Variants in NPR3 observed in about 807,000 individuals in gnomAD.
NPR3 encodes natriuretic peptide receptor 3.
NPR3 carries 34 observed loss-of-function variants against 54.5 expected under a neutral mutation model. The observed-to-expected ratio is 0.62, with a 90% CI of 0.47 to 0.83. The LOEUF is 0.83. Among genes scored for constraint, NPR3 ranks in the 40% least tolerant of loss-of-function variants. The pLI, the probability that NPR3 is intolerant of heterozygous loss-of-function variation, is 0.00. For synonymous variants in NPR3, 289 were observed against 297.1 expected, an observed-to-expected ratio of 0.97 and a Z score of 0.28; for missense variants, 674 against 720.8, an observed-to-expected ratio of 0.94 and a Z score of 0.74.
chr5:32,701,716 A>C (rs1016209630), intron 1 of NPR3, among the ~76,000 whole-genome samples: 3 of 152,166 alleles, frequency 2.0e-5, no homozygotes, highest in African/African-American at 7.2e-5. Context: ...TGGTCACTGC[A>C]TCTGTATCTG....
intron 1 of NPR3, among the ~76,000 whole-genome samples, chr5:32,703,382 C>G (rs1208300618): frequency 6.6e-6 from 1 of 150,390 alleles, no homozygotes; most frequent in Non-Finnish European, 1.5e-5. Context: ...GAGACAAAGC[C>G]CCCTTTACTA....
rs1742824322 is a variant in NPR3 at position 32,789,914 on chromosome 5, A to G, written c.*3569A>G. Reference sequence around the variant, plus strand: ...CCACTGTGAGTGTTTATAAACTGGAAGGAACAAGTACCTGTGTTTCTTGGG... The same window carrying G: ...CCACTGTGAGTGTTTATAAACTGGAGGGAACAAGTACCTGTGTTTCTTGGG... On this transcript the variant is annotated 3_prime_UTR_variant, in exon 8 of 8. Transcript: ENST00000265074. 1.1e-5 allele frequency: 4 copies of G among 377,318 alleles called. No individual in the cohort carries two copies. Among genetic ancestry groups the G allele is most frequent in the Non-Finnish European group, 2.2e-5 (4 of 183,256 alleles). 23.4% of individuals were successfully genotyped at this position (377,318 alleles called of 1,614,324 possible).
intron 1 of NPR3, among the ~76,000 whole-genome samples, chr5:32,699,471 C>A (rs1396497136): frequency 1.3e-5 from 2 of 152,142 alleles, no homozygotes. Flanking sequence ...CATCCCCTAA[C>A]CCCCTGACTG....
intron 1 of NPR3, chr5:32,716,256 C>A: frequency 3.3e-6 from 1 of 306,946 alleles, no homozygotes; most frequent in Non-Finnish European, 6.4e-6. Flanking sequence ...GAAAACTACA[C>A]AAGGTTTATG....
At chr5:32,743,097 A>G (rs1406383634) in intron 3 of NPR3, among the ~76,000 whole-genome samples, 1 of 152,238 alleles carries the variant, frequency 6.6e-6, no homozygotes, top group Non-Finnish European at 1.5e-5. Flanking sequence ...TTAATGTTTC[A>G]TATTTATAAT....
At chr5:32,737,681 T>G (rs753995843) in intron 2 of NPR3, among the ~76,000 whole-genome samples, 1 of 152,200 alleles carries the variant, frequency 6.6e-6, no homozygotes, top group Non-Finnish European at 1.5e-5. Flanking sequence ...ACCTTGCCTT[T>G]TGGGGCCCTG....
At chr5:32,692,847 G>T (rs1185766455) in intron 1 of NPR3, among the ~76,000 whole-genome samples, 1 of 152,194 alleles carries the variant, frequency 6.6e-6, no homozygotes, top group Admixed American at 6.5e-5. Context: ...TGGATTGGGG[G>T]TGGTGGCTCA....
chr5:32,722,685 A>G (rs1475620432), intron 1 of NPR3, among the ~76,000 whole-genome samples: 2 of 152,164 alleles, frequency 1.3e-5, no homozygotes, highest in Admixed American at 1.3e-4. Flanking sequence ...CACATTCTTC[A>G]AACTTGTCCA....
intron 3 of NPR3, among the ~76,000 whole-genome samples, chr5:32,744,526 C>G (rs577516037): frequency 1.1e-4 from 17 of 152,270 alleles, no homozygotes; most frequent in Admixed American, 2.6e-4. Flanking sequence ...CACCACAATG[C>G]CAGGCATTCA....
chr5:32,713,276 T>C (rs1390864145), intron 1 of NPR3: 19 of 985,358 alleles, frequency 1.9e-5, no homozygotes, highest in Non-Finnish European at 2.3e-5. Flanking sequence ...AAACGAGCGC[T>C]GAACCTTCTT....
intron 1 of NPR3, among the ~76,000 whole-genome samples, chr5:32,698,623 T>G (rs1322793389): frequency 1.3e-4 from 20 of 152,210 alleles, no homozygotes; most frequent in Admixed American, 1.3e-3. Flanking sequence ...TCTCTTTAGC[T>G]CTAATAATCT....
chr5:32,726,832 G>A (rs193042434), intron 2 of NPR3, among the ~76,000 whole-genome samples: 3 of 152,208 alleles, frequency 2.0e-5, no homozygotes, highest in East Asian at 3.9e-4. Flanking sequence ...ATTTTTGGAA[G>A]TATGTACATC....
chr5:32,711,903 C>A lies in NPR3; in HGVS notation c.127C>A (p.Gln43Lys), dbSNP rs1370287527. 2.7e-6 allele frequency: 4 copies of A among 1,489,038 alleles called. No homozygotes were observed. Among genetic ancestry groups the A allele is most frequent in the Non-Finnish European group, 3.6e-6 (4 of 1,119,456 alleles). 92.2% of individuals were successfully genotyped at this position (1,489,038 alleles called of 1,614,324 possible). The change falls in exon 1 of 8, where the codon CAG becomes AAG. Residue 43 changes from glutamine (Q) to lysine (K), a missense_variant. Physicochemically the swap from Gln to Lys is moderately conservative, Grantham distance 53. Coordinates refer to ENST00000265074, the MANE Select transcript of NPR3 (RefSeq NM_001204375.2). Reference sequence around the variant, plus strand: ...TGGCGCGGGCATAGGCGGCGGACGCCAGGAGAGAGAGGCGCTGCCGCCACA... The same window carrying A: ...TGGCGCGGGCATAGGCGGCGGACGCAAGGAGAGAGAGGCGCTGCCGCCACA... ...GGGAGIGGGR[Q>K]EREALPPQKI...
At chr5:32,728,837 G>GTGTATATATATA (rs1328627035) in intron 2 of NPR3, among the ~76,000 whole-genome samples, 2 of 48,012 alleles carry the variant, frequency 4.2e-5, no homozygotes, top group South Asian at 2.5e-3. Context: ...GTGTGTGTGT[G>GTGTATATATATA]TATATATATA....
intron 3 of NPR3, among the ~76,000 whole-genome samples, chr5:32,770,287 G>A (rs1336717323): frequency 1.3e-5 from 2 of 151,900 alleles, no homozygotes; most frequent in East Asian, 1.9e-4. Context: ...AAAATTAACC[G>A]GGCATGGTGG....
chr5:32,739,155 C>G, intron 3 of NPR3, 125 bp downstream of exon 3: 1 of 865,474 alleles, frequency 1.2e-6, no homozygotes, highest in South Asian at 2.0e-5. Flanking sequence ...CTGAATGTCA[C>G]TGTTGCCTTC....
rs147519512 is a variant in NPR3, at chr5:32,737,633, C to T, written c.893-1231C>T. Among the ~76,000 whole-genome samples, 41 of 152,240 alleles carry T rather than the reference C, an allele frequency of 2.7e-4. 1 individual carries two copies. The East Asian group carries it at 6.9e-3, about 26-fold the overall frequency. ...CTCTCCAGGAATCATAACAATACTT[C>T]GTAGAAAAAATAGCTCATTGTCAAA... is the stretch of plus-strand genomic sequence containing the variant. On this transcript the variant is annotated intron_variant, in intron 2 of 7. Coordinates refer to ENST00000265074, the MANE Select transcript of NPR3 (RefSeq NM_001204375.2).
At chr5:32,725,533 T>A (rs1430503116) in intron 2 of NPR3, among the ~76,000 whole-genome samples, 1 of 152,192 alleles carries the variant, frequency 6.6e-6, no homozygotes, top group African/African-American at 2.4e-5. Context: ...AAAGACCTCT[T>A]GTCCAGTGCT....
rs760995025 is a variant in NPR3 at position 32,787,321 on chromosome 5, CTT to C, written c.*979_*980del. 2 of 152,214 alleles carry C rather than the reference CTT, an allele frequency of 1.3e-5. No individual in the cohort carries two copies. Among genetic ancestry groups the C allele is most frequent in the South Asian group, 4.1e-4 (2 of 4,832 alleles). The allele number at this position is 152,214 out of a possible 1,614,324, so 9.4% of individuals were successfully genotyped here. On this transcript the variant is annotated 3_prime_UTR_variant, in exon 8 of 8. Coordinates refer to ENST00000265074, the MANE Select transcript of NPR3 (RefSeq NM_001204375.2). ...ACAGGAATACATCAACATTTTAACT[CTT>C]TTGCGTTTTTACTGTTTAACTGTTT...
Sources: gnomAD v4.1 joint callset for allele counts (sites outside exome capture counted in the v4.1 genomes callset) on GRCh38, gnomAD v4.1.1 for gene constraint, MANE v1.5 for transcripts, NCBI Gene and HGNC (gene_info 2026-07-23, HGNC 2026-07-21) for gene names.